Variants in LSAMP observed in about 807,000 individuals in gnomAD.
LSAMP encodes limbic system-associated membrane protein.
In LSAMP, 7 loss-of-function variants were observed where a neutral mutation model predicts 38.6. That is an observed-to-expected ratio of 0.18 (90% confidence interval 0.10 to 0.34). The LOEUF (loss-of-function observed/expected upper bound fraction) is 0.34. LSAMP is among the 10% of genes least tolerant of loss of function. LSAMP has a pLI of 1.00. For missense variants in LSAMP, 313 were observed against 420.0 expected, an observed-to-expected ratio of 0.75 and a Z score of 2.23; for synonymous variants, 154 against 166.8, an observed-to-expected ratio of 0.92 and a Z score of 0.59.
At position 116,178,096 on chromosome 3, in the gene LSAMP, CGT is replaced by C. The variant is rs10662261; in HGVS notation, c.156-91542_156-91541del. On this transcript the variant is annotated intron_variant, in intron 1 of 6. Coordinates refer to ENST00000490035, the MANE Select transcript of LSAMP (RefSeq NM_002338.5). ...GCTATTGCTCTGATAGTCTTGTGTA[CGT>C]GTGTGTGTGTGTGTGTGTGTGTACA... Among the ~76,000 whole-genome samples, 240 of 150,102 alleles carry C rather than the reference CGT, an allele frequency of 1.6e-3. 1 individual carries two copies. Among genetic ancestry groups the C allele is most frequent in the South Asian group, 6.2e-3 (29 of 4,714 alleles).
chr3:115,837,342 C>T (rs963598201), intron 6 of LSAMP, among the ~76,000 whole-genome samples: 2 of 151,368 alleles, frequency 1.3e-5, no homozygotes, highest in Admixed American at 1.3e-4. Flanking sequence ...CCTCAAAAGA[C>T]CTTTATAATC....
intron 1 of LSAMP, among the ~76,000 whole-genome samples, chr3:116,258,362 G>C (rs2046782508): frequency 6.6e-6 from 1 of 151,730 alleles, no homozygotes; most frequent in African/African-American, 2.4e-5. Context: ...ATTTAAATAT[G>C]GATGTTTCAT....
At chr3:116,072,676 G>T (rs1449071606) in intron 2 of LSAMP, among the ~76,000 whole-genome samples, 3 of 146,412 alleles carry the variant, frequency 2.0e-5, no homozygotes, top group Admixed American at 6.8e-5. Flanking sequence ...TTTCATGTTT[G>T]TTGACTGCAT....
At chr3:116,376,901 C>A (rs74601646) in intron 1 of LSAMP, among the ~76,000 whole-genome samples, 1 of 151,980 alleles carries the variant, frequency 6.6e-6, no homozygotes, top group African/African-American at 2.4e-5. Flanking sequence ...TTTAAGACAG[C>A]CATCAACAAA....
At chr3:115,965,177 A>G (rs1028315281) in intron 3 of LSAMP, among the ~76,000 whole-genome samples, 7 of 152,114 alleles carry the variant, frequency 4.6e-5, no homozygotes, top group Non-Finnish European at 1.0e-4. Flanking sequence ...CAAAGAAAGT[A>G]TAAATAGACA....
chr3:116,297,309 C>A (rs2047349601), intron 1 of LSAMP, among the ~76,000 whole-genome samples: 1 of 152,090 alleles, frequency 6.6e-6, no homozygotes, highest in South Asian at 2.1e-4. Context: ...TTGAACTTTT[C>A]CAGGATTGGA....
At chr3:116,289,030 CACTT>C (rs112881795) in intron 1 of LSAMP, among the ~76,000 whole-genome samples, 1 of 152,096 alleles carries the variant, frequency 6.6e-6, no homozygotes, top group African/African-American at 2.4e-5. Context: ...ATACAGTGCA[CACTT>C]AGAGATGGAA....
At position 116,235,592 on chromosome 3, in the gene LSAMP, CA is replaced by C. The variant is rs560616053; in HGVS notation, c.156-149037del. Among the ~76,000 whole-genome samples the C allele has an allele frequency of 3.2e-3, 484 of 152,210 alleles. 6 individuals carry two copies. Among genetic ancestry groups the C allele is most frequent in the African/African-American group, 0.011 (464 of 41,522 alleles). On this transcript the variant is annotated intron_variant, in intron 1 of 6. Transcript: ENST00000490035. The stretch of plus-strand genomic sequence containing the variant: ...TATCAGTGAAAGTATTACTTCATAT[CA>C]ATAAAGGAAAAGGAAATGACATTCC...
chr3:115,890,032 TAAAA>T (rs1319526103), intron 3 of LSAMP, among the ~76,000 whole-genome samples: 6 of 152,052 alleles, frequency 3.9e-5, no homozygotes, highest in Admixed American at 2.6e-4. Flanking sequence ...TGTAAACAAA[TAAAA>T]AACTCAATAA....
In LSAMP at chr3:115,807,447, A is replaced by G. The variant is rs1405534783; in HGVS notation, c.*2870T>C. 1 of 152,186 alleles carries G rather than the reference A, an allele frequency of 6.6e-6. No homozygotes were observed. The highest frequency in any genetic ancestry group is 1.5e-5 in the Non-Finnish European group (1 of 68,030). The allele number at this position is 152,186 out of a possible 1,614,324, so 9.4% of individuals were successfully genotyped here. On this transcript the variant is annotated 3_prime_UTR_variant, in exon 7 of 7. Transcript: ENST00000490035. ...GGTCCATTATATTAAAACTGAGGGA[A>G]CAAACGGTGCTGACATGGCAGACAT... is the stretch of plus-strand genomic sequence containing the variant.
chr3:116,112,072 C>A (rs1708628458), intron 1 of LSAMP, among the ~76,000 whole-genome samples: 1 of 152,198 alleles, frequency 6.6e-6, no homozygotes, highest in Admixed American at 6.5e-5. Flanking sequence ...CTTGATGAGG[C>A]CTGCTTTCTT....
intron 3 of LSAMP, among the ~76,000 whole-genome samples, chr3:115,971,856 G>T (rs192524550): frequency 6.6e-6 from 1 of 152,014 alleles, no homozygotes; most frequent in African/African-American, 2.4e-5. Context: ...AATTTTATAG[G>T]CTTAGCAGAA....
chr3:115,932,392 A>G (rs1044336753), intron 3 of LSAMP, among the ~76,000 whole-genome samples: 1 of 152,246 alleles, frequency 6.6e-6, no homozygotes, highest in African/African-American at 2.4e-5. Flanking sequence ...TTAGTTAGGC[A>G]TGAATGGATA....
intron 2 of LSAMP, among the ~76,000 whole-genome samples, chr3:116,077,236 C>T (rs914373410): frequency 2.6e-5 from 4 of 151,798 alleles, no homozygotes; most frequent in Admixed American, 2.0e-4. Context: ...ACTATAGCCC[C>T]TAAACTAATG....
intron 2 of LSAMP, among the ~76,000 whole-genome samples, chr3:116,055,810 A>G (rs1186969241): frequency 6.6e-6 from 1 of 152,220 alleles, no homozygotes; most frequent in Non-Finnish European, 1.5e-5. Context: ...TGCATAGTCT[A>G]TATGTCAAGA....
At chr3:116,108,557 C>T (rs1289645333) in intron 1 of LSAMP, among the ~76,000 whole-genome samples, 3 of 152,064 alleles carry the variant, frequency 2.0e-5, no homozygotes, top group African/African-American at 4.8e-5. Flanking sequence ...ACGGTGTTTC[C>T]GAGGCAATTA....
chr3:115,925,172 GGA>G (rs1398765724), intron 3 of LSAMP, among the ~76,000 whole-genome samples: 1 of 152,118 alleles, frequency 6.6e-6, no homozygotes, highest in African/African-American at 2.4e-5. Flanking sequence ...AGCTATTTTT[GGA>G]GAGTGTAGAG....
At chr3:115,944,187 C>A (rs1313512426) in intron 3 of LSAMP, among the ~76,000 whole-genome samples, 1 of 152,144 alleles carries the variant, frequency 6.6e-6, no homozygotes, top group Non-Finnish European at 1.5e-5. Context: ...CTGCTAAACT[C>A]TTCTCAGTAG....
At chr3:116,203,904 G>A (rs2046027174) in intron 1 of LSAMP, among the ~76,000 whole-genome samples, 2 of 152,088 alleles carry the variant, frequency 1.3e-5, no homozygotes, top group Non-Finnish European at 2.9e-5. Flanking sequence ...AGACTCCCTT[G>A]GGTATATACC....
Sources: gnomAD v4.1 joint callset for allele counts (sites outside exome capture counted in the v4.1 genomes callset) on GRCh38, gnomAD v4.1.1 for gene constraint, MANE v1.5 for transcripts, NCBI Gene and HGNC (gene_info 2026-07-23, HGNC 2026-07-21) for gene names.